GLYATL2: variants seen among roughly 807,000 people sequenced by gnomAD.
The protein encoded by GLYATL2 is glycine N-acyltransferase-like protein 2.
Under a neutral mutation model 21.4 loss-of-function variants are expected in GLYATL2, and 25 were observed. The observed-to-expected ratio is 1.17, with a 90% CI of 0.85 to 1.63. The LOEUF (loss-of-function observed/expected upper bound fraction) is 1.63, where lower values mean the gene tolerates loss of function less well. Among genes scored for constraint, GLYATL2 ranks in the 40% most tolerant of loss-of-function variants. The probability of loss-of-function intolerance (pLI) is 0.00; values close to 1 mark genes in which losing one functional copy is unlikely to be tolerated. For synonymous variants in GLYATL2, 114 were observed against 118.2 expected, an observed-to-expected ratio of 0.96 and a Z score of 0.23; for missense variants, 361 against 343.3, an observed-to-expected ratio of 1.05 and a Z score of -0.41.
chr11:58,857,888 CAAAAAAA>C (rs545952478), intron 1 of GLYATL2, among the ~76,000 whole-genome samples: 1,859 of 108,256 alleles, frequency 0.017, 40 homozygotes, highest in South Asian at 0.042. Flanking sequence ...TTTTCCCCTC[CAAAAAAA>C]AAAAAAAAAA....
At chr11:58,887,587 G>C (rs1854465999) in intron 1 of GLYATL2, among the ~76,000 whole-genome samples, 1 of 152,148 alleles carries the variant, frequency 6.6e-6, no homozygotes, top group African/African-American at 2.4e-5. Flanking sequence ...CACACAAAGG[G>C]ATAATCACTG....
chr11:58,847,623 G>A (rs1238364784), upstream of GLYATL2, among the ~76,000 whole-genome samples: 2 of 152,230 alleles, frequency 1.3e-5, no homozygotes, highest in African/African-American at 4.8e-5. Flanking sequence ...AAAGGCAAAA[G>A]TGGGAAGAAC....
At chr11:58,880,235 G>T (rs1469194889) in intron 1 of GLYATL2, among the ~76,000 whole-genome samples, 2 of 152,200 alleles carry the variant, frequency 1.3e-5, no homozygotes, top group Non-Finnish European at 2.9e-5. Flanking sequence ...AAATGTTGAT[G>T]TTAAGAATAT....
chr11:58,879,823 G>C (rs1227293630), intron 1 of GLYATL2, among the ~76,000 whole-genome samples: 2 of 150,786 alleles, frequency 1.3e-5, no homozygotes, highest in East Asian at 2.0e-4. Context: ...TTTGTGTTAT[G>C]TGTACTTTAC....
chr11:58,905,755 TG>T, upstream of GLYATL2: 2 of 8,358 alleles, frequency 2.4e-4, 1 homozygote, highest in Non-Finnish European at 4.9e-4. Flanking sequence ...GGTGGGCGGG[TG>T]GGCGCGCAGT....
upstream of GLYATL2, among the ~76,000 whole-genome samples, chr11:58,906,140 C>A (rs1854877142): frequency 6.6e-6 from 1 of 152,132 alleles, no homozygotes; most frequent in Non-Finnish European, 1.5e-5. Context: ...CTGGGTCGGA[C>A]CCGGAGTTAG....
chr11:58,895,097 G>C (rs4939236), intron 1 of GLYATL2, among the ~76,000 whole-genome samples: 132,234 of 152,160 alleles, frequency 0.87, 58,735 homozygotes, highest in Non-Finnish European at 0.96. Context: ...GCACTGTCCA[G>C]CTGGCAGCTT....
chr11:58,852,957 T>C (rs1853767065), intron 1 of GLYATL2, among the ~76,000 whole-genome samples: 1 of 152,232 alleles, frequency 6.6e-6, no homozygotes, highest in African/African-American at 2.4e-5. Context: ...TAACCAACAA[T>C]GCTAATGAGT....
At chr11:58,884,482 A>G (rs2134615763) in intron 1 of GLYATL2, among the ~76,000 whole-genome samples, 1 of 152,346 alleles carries the variant, frequency 6.6e-6, no homozygotes, top group Middle Eastern at 3.4e-3. Context: ...AGAGAATAAA[A>G]TACCTAGGAA....
chr11:58,859,151 G>C (rs1387079851), intron 1 of GLYATL2, among the ~76,000 whole-genome samples: 1 of 152,094 alleles, frequency 6.6e-6, no homozygotes, highest in Non-Finnish European at 1.5e-5. Flanking sequence ...CCTTTGGTGT[G>C]AGATGTTCCC....
At chr11:58,894,263 T>A (rs1174475307) in intron 1 of GLYATL2, among the ~76,000 whole-genome samples, 1 of 151,828 alleles carries the variant, frequency 6.6e-6, no homozygotes, top group African/African-American at 2.4e-5. Flanking sequence ...TGAGTAGGAG[T>A]GAGCCAGATA....
intron 1 of GLYATL2, among the ~76,000 whole-genome samples, chr11:58,885,278 G>C (rs148550853): frequency 5.9e-5 from 9 of 152,134 alleles, no homozygotes; most frequent in African/African-American, 2.2e-4. Context: ...GTAACTTCAC[G>C]TCCATCAGTA....
chr11:58,896,129 A>C (rs1854630806), intron 1 of GLYATL2, among the ~76,000 whole-genome samples: 2 of 152,134 alleles, frequency 1.3e-5, no homozygotes, highest in Non-Finnish European at 2.9e-5. Flanking sequence ...TGCGAGTATT[A>C]CAGGCATGAG....
In GLYATL2 at chr11:58,837,134, A is replaced by G; in HGVS notation, c.357T>C (p.Thr119=). Reference sequence around the variant, plus strand: ...TGTAATCTACCTGCACTGATTTTGAAGTTGCAACCTTTCTTATTGCTTCAT... The same window carrying G: ...TGTAATCTACCTGCACTGATTTTGAGGTTGCAACCTTTCTTATTGCTTCAT... The part of the protein sequence containing the change: ...GLDEAIRKVA[T]SKSVQVDYMK... Residue 119 remains threonine, a synonymous_variant, in exon 5 of 6, where the codon ACT becomes ACC. Transcript: ENST00000287275. 3 of 1,613,978 alleles carry G rather than the reference A, an allele frequency of 1.9e-6. No homozygotes were observed. Among genetic ancestry groups the G allele is most frequent in the Non-Finnish European group, 2.5e-6 (3 of 1,179,912 alleles).
chr11:58,889,275 AT>A (rs1249982188), intron 1 of GLYATL2, among the ~76,000 whole-genome samples: 2 of 151,454 alleles, frequency 1.3e-5, no homozygotes, highest in African/African-American at 4.8e-5. Context: ...TGGGGGTGTT[AT>A]TTGTTTTTGT....
At chr11:58,887,780 A>G (rs1350747739) in intron 1 of GLYATL2, among the ~76,000 whole-genome samples, 1 of 152,186 alleles carries the variant, frequency 6.6e-6, no homozygotes, top group Non-Finnish European at 1.5e-5. Flanking sequence ...CTTTGCCACT[A>G]AAAACAATGC....
At chr11:58,905,373 T>C, upstream of GLYATL2, 1 of 434,608 alleles carries the variant, frequency 2.3e-6, no homozygotes, top group South Asian at 1.6e-5. Context: ...CTCTCTCTGC[T>C]GCTGCCGCTG....
chr11:58,902,109 C>T (rs1033811405), intron 1 of GLYATL2, among the ~76,000 whole-genome samples: 1 of 152,162 alleles, frequency 6.6e-6, no homozygotes, highest in Admixed American at 6.5e-5. Flanking sequence ...TACTTCAAGG[C>T]TGGCTCCTAA....
At chr11:58,837,677 A>C (rs1853464506) in intron 3 of GLYATL2, among the ~76,000 whole-genome samples, 1 of 152,236 alleles carries the variant, frequency 6.6e-6, no homozygotes, top group Non-Finnish European at 1.5e-5. Flanking sequence ...TATGTTAAGC[A>C]TTTAAAAGTG....
Sources: gnomAD v4.1 joint callset for allele counts (sites outside exome capture counted in the v4.1 genomes callset) on GRCh38, gnomAD v4.1.1 for gene constraint, MANE v1.5 for transcripts, NCBI Gene and HGNC (gene_info 2026-07-23, HGNC 2026-07-21) for gene names.